The following DNMT1 variants were observed in gnomAD, a reference collection of about 807,000 sequenced individuals.
DNMT1 encodes the protein DNA (cytosine-5)-methyltransferase 1.
A neutral mutation model predicts 205.3 loss-of-function variants in DNMT1; 24 were observed. The ratio of observed to expected loss-of-function variants is 0.12; its 90% CI spans 0.08 to 0.16. The LOEUF (loss-of-function observed/expected upper bound fraction) is 0.16. Ranked by LOEUF, DNMT1 falls within the 10% of genes least tolerant of loss-of-function variation. DNMT1 has a pLI of 1.00. For missense variants in DNMT1, 1,293 were observed against 2,177.7 expected, an observed-to-expected ratio of 0.59 and a Z score of 8.09; for synonymous variants, 817 against 839.8, an observed-to-expected ratio of 0.97 and a Z score of 0.47.
In DNMT1 at chr19:10,177,351, G is replaced by A; in HGVS notation, c.510C>T (p.Ser170=). 1 of 1,613,798 alleles carries A rather than the reference G, an allele frequency of 6.2e-7. No homozygotes were observed. The highest frequency in any genetic ancestry group is 8.5e-7 in the Non-Finnish European group (1 of 1,179,962). The change falls in exon 6 of 41, where the codon AGC becomes AGT. Residue 170 remains serine, a synonymous_variant. Coordinates refer to ENST00000359526, the MANE Select transcript of DNMT1 (RefSeq NM_001130823.3). ...TGGTGCTTTTCCTTGTAATCCTGGG[G>A]CTAGGTGAAGGTTCAGCTGTTTAAA... ...VTGIRAEPSP[S]PRITRKSTRQ...
At position 10,159,498 on chromosome 19, in the gene DNMT1, C is replaced by T. The variant is rs930201781; in HGVS notation, c.1280+160G>A. Reference sequence around the variant, plus strand: ...TGCTAGGATTACAGGCATGAGCCACCGCGCCCAGCCCTCCACGGTGGCTCT... The same window carrying T: ...TGCTAGGATTACAGGCATGAGCCACTGCGCCCAGCCCTCCACGGTGGCTCT... On this transcript the variant is annotated intron_variant, in intron 17 of 40. Coordinates refer to ENST00000359526, the MANE Select transcript of DNMT1 (RefSeq NM_001130823.3). The surrounding 1 kb of genome is among the most constrained non-coding windows in gnomAD (Gnocchi z 5.0). 1.3e-5 allele frequency among the ~76,000 whole-genome samples: 2 copies of T among 152,100 alleles called. No homozygotes were observed. The highest frequency in any genetic ancestry group is 4.8e-5 in the African/African-American group (2 of 41,426).
chr19:10,180,710 C>T, intron 3 of DNMT1, 68 bp downstream of exon 3: 1 of 1,537,050 alleles, frequency 6.5e-7, no homozygotes, highest in Non-Finnish European at 9.0e-7. Flanking sequence ...TTGCTGCCTC[C>T]CTGGTCACAG....
chr19:10,170,050 T>C (rs1214406302), intron 9 of DNMT1, among the ~76,000 whole-genome samples: 1 of 152,026 alleles, frequency 6.6e-6, no homozygotes, highest in African/African-American at 2.4e-5. Flanking sequence ...TTTGGGAGGC[T>C]GAGGTGGGTG....
chr19:10,162,571 T>C (rs2038590855), intron 13 of DNMT1, 96 bp downstream of exon 13: 2 of 1,357,590 alleles, frequency 1.5e-6, no homozygotes, highest in South Asian at 2.6e-5. Context: ...CGCCCAGTCT[T>C]CTTTTTCCTA....
chr19:10,188,618 C>T (rs1218824112), intron 1 of DNMT1, among the ~76,000 whole-genome samples: 1 of 152,090 alleles, frequency 6.6e-6, no homozygotes, highest in Non-Finnish European at 1.5e-5. Context: ...GTGGCCAAAG[C>T]GATTTTGCAG....
chr19:10,163,148 G>A (rs2038614809), intron 12 of DNMT1, among the ~76,000 whole-genome samples, 178 bp downstream of exon 12: 1 of 151,924 alleles, frequency 6.6e-6, no homozygotes, highest in South Asian at 2.1e-4. Flanking sequence ...TTTTAGTACA[G>A]ACAGGGTTCC....
Position 10,138,059 on chromosome 19 carries a change from T to C in DNMT1, c.4116-50A>G, listed in dbSNP as rs749889229. On this transcript the variant is annotated intron_variant, in intron 35 of 40. Coordinates refer to ENST00000359526, the MANE Select transcript of DNMT1 (RefSeq NM_001130823.3). This position sits in a 1 kb window ranked among gnomAD's most constrained non-coding sequence, Gnocchi z 4.1. ...CCTCTGGAGATGCACGCAGCAGCTG[T>C]CCCCTCATCACAGGTGCCACCCCCT... The C allele has an allele frequency of 6.3e-7, 1 of 1,575,476 alleles. No homozygotes were observed. Among genetic ancestry groups the C allele is most frequent in the East Asian group, 2.3e-5 (1 of 43,314 alleles).
chr19:10,166,663 C>G lies in DNMT1; in HGVS notation c.826G>C (p.Glu276Gln), dbSNP rs755835618. ...GCCCTGGCTTCTCTGTCCGGCTCCTCCTTCAGTTTCTGTTTGGGTGTTCTG... is the reference window on the plus strand; with the variant it reads ...GCCCTGGCTTCTCTGTCCGGCTCCTGCTTCAGTTTCTGTTTGGGTGTTCTG... ...KEPTPKQKLK[E>Q]EPDREARAGV... is the part of the protein sequence containing the mutation. Residue 276 changes from glutamate to glutamine, a missense_variant, in exon 11 of 41, where the codon GAG (glutamate) becomes CAG (glutamine). Physicochemically the swap from Glu to Gln is conservative, Grantham distance 29. This residue lies in a region of DNMT1 where 394 missense variants were observed against 451.6 expected (regional missense o/e 0.87). Transcript: ENST00000359526. The G allele has an allele frequency of 8.7e-6, 14 of 1,614,088 alleles. No homozygotes were observed.
At chr19:10,158,157 C>T (rs1220033937) in intron 17 of DNMT1, among the ~76,000 whole-genome samples, 1 of 152,176 alleles carries the variant, frequency 6.6e-6, no homozygotes, top group South Asian at 2.1e-4. Context: ...GCCCCAGGCT[C>T]CCCCAAGCCT....
At chr19:10,173,037 G>A in intron 9 of DNMT1, 53 bp downstream of exon 9, 1 of 1,604,506 alleles carries the variant, frequency 6.2e-7, no homozygotes, top group Non-Finnish European at 8.5e-7. Flanking sequence ...AGGAAATTGG[G>A]ACCATATAGG....
At chr19:10,183,003 G>A (rs186696587) in intron 1 of DNMT1, among the ~76,000 whole-genome samples, 3 of 146,822 alleles carry the variant, frequency 2.0e-5, no homozygotes, top group Non-Finnish European at 3.0e-5. Flanking sequence ...ACACGTATAT[G>A]TGTGTATATA....
At chr19:10,194,608 G>A (rs1217484979) in intron 1 of DNMT1, 8 of 558,220 alleles carry the variant, frequency 1.4e-5, no homozygotes, top group East Asian at 3.6e-5. Context: ...GAGCTACGGG[G>A]GAATCCACGG....
intron 1 of DNMT1, among the ~76,000 whole-genome samples, chr19:10,184,003 G>C (rs374376317): frequency 6.6e-6 from 1 of 152,214 alleles, no homozygotes; most frequent in African/African-American, 2.4e-5. Flanking sequence ...ACAGTGAGCC[G>C]TGATTGCATC....
At chr19:10,160,817 G>A (rs1480470476) in intron 13 of DNMT1, among the ~76,000 whole-genome samples, 9 of 152,310 alleles carry the variant, frequency 5.9e-5, no homozygotes, top group Middle Eastern at 3.4e-3. Flanking sequence ...AACCCGAGAC[G>A]TAGAGGTTGC....
intron 19 of DNMT1, 150 bp from the exon 20 acceptor site, chr19:10,155,206 T>A: frequency 9.1e-7 from 1 of 1,102,848 alleles, no homozygotes; most frequent in Non-Finnish European, 1.3e-6. Flanking sequence ...CAACACATCA[T>A]AGCTGGCTTG....
At chr19:10,152,191 G>GAAAAAAAAAAAAAAA (rs1172451605) in intron 22 of DNMT1, among the ~76,000 whole-genome samples, 1 of 50,002 alleles carries the variant, frequency 2.0e-5, no homozygotes, top group Non-Finnish European at 4.0e-5. Flanking sequence ...AAAAAAAAAG[G>GAAAAAAAAAAAAAAA]AAAAAAAAAG....
Position 10,137,270 on chromosome 19 carries a change from G to A in DNMT1, c.4304C>T (p.Ala1435Val). Reference protein sequence around the residue: ...LRDHICKDMSALVAARMRHIP... With the variant: ...LRDHICKDMSVLVAARMRHIP... The stretch of plus-strand genomic sequence containing the variant: ...GTGCCGCATGCGGGCAGCCACCAAT[G>A]CACTCATGTCCTGAAAGAGTGTGGG... The change falls in exon 37 of 41, where the codon GCA becomes GTA. Residue 1435 changes from alanine (A) to valine (V), a missense_variant. Ala to Val is a moderately conservative substitution (Grantham distance 64, BLOSUM62 0). Coordinates refer to ENST00000359526, the MANE Select transcript of DNMT1 (RefSeq NM_001130823.3). This position sits in a 1 kb window ranked among gnomAD's most constrained non-coding sequence, Gnocchi z 6.4. The A allele has an allele frequency of 6.2e-7, 1 of 1,607,484 alleles. No homozygotes were observed.
chr19:10,143,616 A>G, intron 29 of DNMT1, 150 bp downstream of exon 29: 1 of 869,268 alleles, frequency 1.2e-6, no homozygotes, highest in Admixed American at 1.9e-5. Flanking sequence ...AGTCATTATC[A>G]GTGCCCACCG....
chr19:10,171,408 G>C (rs535407595), intron 9 of DNMT1, among the ~76,000 whole-genome samples: 1 of 151,988 alleles, frequency 6.6e-6, no homozygotes, highest in Admixed American at 6.6e-5. Flanking sequence ...GTGGTGGCTC[G>C]TGCCTGTAAT....
Sources: allele counts gnomAD v4.1 joint callset (sites outside exome capture counted in the v4.1 genomes callset), GRCh38; gene constraint gnomAD v4.1.1; regional missense constraint gnomAD v4.1.1; non-coding constraint Gnocchi (gnomAD v3.1); transcripts MANE v1.5; gene names NCBI Gene and HGNC (gene_info 2026-07-23, HGNC 2026-07-21).